PTPRN2: variants seen among roughly 807,000 people sequenced by gnomAD.
PTPRN2 encodes protein tyrosine phosphatase receptor type N2, also known as receptor-type tyrosine-protein phosphatase N2.
Under a neutral mutation model 118.8 loss-of-function variants are expected in PTPRN2, and 74 were observed. The observed-to-expected ratio is 0.62, with a 90% CI of 0.52 to 0.76. The LOEUF (loss-of-function observed/expected upper bound fraction) is 0.76, where lower values mean the gene tolerates loss of function less well. Among genes scored for constraint, PTPRN2 ranks in the 30% least tolerant of loss-of-function variants. PTPRN2 has a pLI of 0.00. For missense variants in PTPRN2, 1,481 were observed against 1,394.4 expected, an observed-to-expected ratio of 1.06 and a Z score of -0.99; for synonymous variants, 641 against 608.0, an observed-to-expected ratio of 1.05 and a Z score of -0.80.
intron 2 of PTPRN2, among the ~76,000 whole-genome samples, chr7:158,435,675 A>G (rs1322476730): frequency 6.6e-6 from 1 of 152,186 alleles, no homozygotes. Flanking sequence ...CACAACCCAA[A>G]TGTCCATCAA....
At chr7:158,188,915 A>G (rs1053667239) in intron 5 of PTPRN2, among the ~76,000 whole-genome samples, 1 of 152,174 alleles carries the variant, frequency 6.6e-6, no homozygotes, top group Non-Finnish European at 1.5e-5. Flanking sequence ...CCTTTGGCCT[A>G]ATGAGCACTG....
chr7:158,441,188 GATA>G (rs1343208650), intron 2 of PTPRN2, among the ~76,000 whole-genome samples: 1 of 147,238 alleles, frequency 6.8e-6, no homozygotes, highest in Non-Finnish European at 1.5e-5. Context: ...CAGTGGTGGT[GATA>G]GTGATGGTGA....
chr7:158,392,508 C>T (rs1476865974), intron 2 of PTPRN2, among the ~76,000 whole-genome samples: 1 of 152,208 alleles, frequency 6.6e-6, no homozygotes, highest in Admixed American at 6.5e-5. Flanking sequence ...TTCTCTTGGC[C>T]AGCAAGAGCT....
intron 11 of PTPRN2, among the ~76,000 whole-genome samples, chr7:157,999,677 G>A (rs897210130): frequency 6.6e-6 from 1 of 152,064 alleles, no homozygotes; most frequent in African/African-American, 2.4e-5. Flanking sequence ...TGTTCTCCGC[G>A]AGTCCCTGGC....
chr7:157,820,036 A>C (rs1806715653), intron 12 of PTPRN2, among the ~76,000 whole-genome samples: 1 of 150,210 alleles, frequency 6.7e-6, no homozygotes, highest in Non-Finnish European at 1.5e-5. Flanking sequence ...ACACACCCAC[A>C]GTCACACATG....
Position 158,524,401 on chromosome 7 carries a change from T to C in PTPRN2, c.113-34616A>G, listed in dbSNP as rs555547785. 2.9e-4 allele frequency among the ~76,000 whole-genome samples: 38 copies of C among 130,620 alleles called. 1 individual carries two copies. Among genetic ancestry groups the C allele is most frequent in the African/African-American group, 9.6e-4 (30 of 31,316 alleles). The allele number at this position is 130,620 out of a possible 152,430, so 85.7% of individuals were successfully genotyped here. On this transcript the variant is annotated intron_variant, in intron 1 of 22. Coordinates refer to ENST00000389418, the MANE Select transcript of PTPRN2 (RefSeq NM_002847.5). Reference sequence around the variant, plus strand: ...TGGAGTCTGCCCTGGAGTGGAGTCGTCTGCCCTGGAGCGGAGTCTGCCCTG... The same window carrying C: ...TGGAGTCTGCCCTGGAGTGGAGTCGCCTGCCCTGGAGCGGAGTCTGCCCTG...
intron 11 of PTPRN2, among the ~76,000 whole-genome samples, chr7:158,049,703 C>G (rs944459521): frequency 6.6e-6 from 1 of 152,166 alleles, no homozygotes; most frequent in Non-Finnish European, 1.5e-5. Context: ...GGGTTCAAGA[C>G]CAGCCTGGCC....
intron 9 of PTPRN2, among the ~76,000 whole-genome samples, chr7:158,114,868 C>T: frequency 6.6e-6 from 1 of 152,126 alleles, no homozygotes; most frequent in East Asian, 1.9e-4. Flanking sequence ...AAGCAAATGC[C>T]CTCGGGTAGC....
chr7:158,186,159 G>A (rs1454867244), intron 5 of PTPRN2, among the ~76,000 whole-genome samples: 1 of 152,148 alleles, frequency 6.6e-6, no homozygotes. Flanking sequence ...AATTTAGGCC[G>A]AATTCTCCCC....
chr7:157,920,432 G>T (rs1798636260), intron 11 of PTPRN2, among the ~76,000 whole-genome samples: 1 of 152,182 alleles, frequency 6.6e-6, no homozygotes, highest in African/African-American at 2.4e-5. Flanking sequence ...GCAATCCATT[G>T]GTGGGTCTGA....
intron 3 of PTPRN2, among the ~76,000 whole-genome samples, chr7:158,288,096 T>C (rs558325356): frequency 9.2e-5 from 14 of 152,290 alleles, no homozygotes; most frequent in South Asian, 4.1e-4. Context: ...GAAGTCTATT[T>C]TATTTAAGTA....
intron 11 of PTPRN2, among the ~76,000 whole-genome samples, chr7:158,070,998 C>T (rs1202275784): frequency 1.7e-4 from 16 of 93,442 alleles, no homozygotes; most frequent in Non-Finnish European, 2.5e-4. Context: ...GGTGGAGGTG[C>T]TCATGGTGGT....
intron 1 of PTPRN2, among the ~76,000 whole-genome samples, chr7:158,552,666 C>G (rs755634481): frequency 6.6e-6 from 1 of 152,218 alleles, no homozygotes; most frequent in East Asian, 1.9e-4. Context: ...AGGCTGGTCT[C>G]AAACTCCTGA....
chr7:158,311,910 CACACCTGCACACACAT>C (rs1485557593), intron 3 of PTPRN2, among the ~76,000 whole-genome samples: 18 of 146,060 alleles, frequency 1.2e-4, no homozygotes, highest in African/African-American at 4.9e-4. Flanking sequence ...CACACACGCA[CACACCTGCACACACAT>C]GTGCTCACGT....
Position 158,230,651 on chromosome 7 carries a change from T to TA in PTPRN2, c.278-25379dup, listed in dbSNP as rs59262929. ...TTTATAAGTCTCATGGCAACTACAA[T>TA]AAAAAAAAACTGTAACACATGCACT... On this transcript the variant is annotated intron_variant, in intron 3 of 22. Transcript: ENST00000389418. 2.0e-3 allele frequency among the ~76,000 whole-genome samples: 294 copies of TA among 149,462 alleles called. 2 individuals are homozygous for TA. Among genetic ancestry groups the TA allele is most frequent in the African/African-American group, 5.9e-3 (240 of 40,732 alleles).
intron 12 of PTPRN2, among the ~76,000 whole-genome samples, chr7:157,771,957 CAG>C (rs1423173554): frequency 5.3e-5 from 7 of 132,994 alleles, no homozygotes; most frequent in South Asian, 2.3e-4. Flanking sequence ...GACACACATA[CAG>C]ACAGACACAC....
Position 158,003,385 on chromosome 7 carries a change from A to G in PTPRN2, c.1723+77913T>C, listed in dbSNP as rs1388769926. 4.8e-5 allele frequency among the ~76,000 whole-genome samples: 7 copies of G among 146,618 alleles called. No homozygotes were observed. Among genetic ancestry groups the G allele is most frequent in the African/African-American group, 1.3e-4 (5 of 39,360 alleles). On this transcript the variant is annotated intron_variant, in intron 11 of 22. Coordinates refer to ENST00000389418, the MANE Select transcript of PTPRN2 (RefSeq NM_002847.5). This position sits in a 1 kb window ranked among gnomAD's most constrained non-coding sequence, Gnocchi z 5.0. ...GCCGAGATCGCGCCACTGCACTCCA[A>G]CCTGGGAGACACAGCGAGACTCCGT...
intron 22 of PTPRN2, among the ~76,000 whole-genome samples, chr7:157,548,209 C>G (rs1401891585): frequency 6.6e-6 from 1 of 152,150 alleles, no homozygotes. Context: ...GAGTGAGACT[C>G]TGTCTCAGAA....
At chr7:157,751,699 A>T (rs1254569090) in intron 12 of PTPRN2, among the ~76,000 whole-genome samples, 1 of 152,068 alleles carries the variant, frequency 6.6e-6, no homozygotes, top group African/African-American at 2.4e-5. Context: ...GCCCGACATC[A>T]CTTGGAGAAC....
Sources: allele counts gnomAD v4.1 joint callset (sites outside exome capture counted in the v4.1 genomes callset), GRCh38; gene constraint gnomAD v4.1.1; non-coding constraint Gnocchi (gnomAD v3.1); transcripts MANE v1.5; gene names NCBI Gene and HGNC (gene_info 2026-07-23, HGNC 2026-07-21).